Variants in AGAP1 observed in about 807,000 individuals in gnomAD.
AGAP1 encodes the protein arf-GAP with GTPase, ANK repeat and PH domain-containing protein 1.
Under a neutral mutation model 105.3 loss-of-function variants are expected in AGAP1, and 29 were observed. That is an observed-to-expected ratio of 0.28 (90% CI 0.21 to 0.38). The LOEUF (loss-of-function observed/expected upper bound fraction) is 0.38, where lower values mean the gene tolerates loss of function less well. Among genes scored for constraint, AGAP1 ranks in the 10% least tolerant of loss-of-function variants. The pLI is 1.00. For synonymous variants in AGAP1, 509 were observed against 485.9 expected (o/e 1.05, Z -0.63); for missense variants, 998 against 1,165.1 (o/e 0.86, Z 2.09).
At chr2:235,844,305 G>A (rs756970043) in intron 9 of AGAP1, among the ~76,000 whole-genome samples, 1 of 152,188 alleles carries the variant, frequency 6.6e-6, no homozygotes, top group Non-Finnish European at 1.5e-5. Flanking sequence ...GAGGGGGCAA[G>A]GGTCTGGGTG....
rs2125990301 is a variant in AGAP1, at chr2:236,125,859, G to A, written c.*1737G>A. On this transcript the variant is annotated 3_prime_UTR_variant, in exon 18 of 18. Coordinates refer to ENST00000304032, the MANE Select transcript of AGAP1 (RefSeq NM_001037131.3). The surrounding 1 kb of genome is among the most constrained non-coding windows in gnomAD (Gnocchi z 5.2). ...AAAGCAAACGGGGCAGCTTTGCCTA[G>A]AGCTCATTGACAGTGTGATGGGGGG... 1 of 152,322 alleles carries A rather than the reference G, an allele frequency of 6.6e-6. No homozygotes were observed. The highest frequency in any genetic ancestry group is 2.1e-4 in the South Asian group (1 of 4,824). 9.4% of individuals were successfully genotyped at this position (152,322 alleles called of 1,614,324 possible). A position where few individuals can be genotyped will look rare whatever the true frequency, so the allele number is the denominator to read the frequency against.
Position 235,964,913 on chromosome 2 carries a change from C to T in AGAP1, c.1484-3549C>T, listed in dbSNP as rs1461220001. ...AAATGGAGAGCAGGCAGTCATGGAG[C>T]GGCTTTGTGAAAACAGGCTGAGCTC... On this transcript the variant is annotated intron_variant, in intron 12 of 17. Transcript: ENST00000304032. This position sits in a 1 kb window ranked among gnomAD's most constrained non-coding sequence, Gnocchi z 4.6. 1.3e-5 allele frequency among the ~76,000 whole-genome samples: 2 copies of T among 152,118 alleles called. No homozygotes were observed. Among genetic ancestry groups the T allele is most frequent in the African/African-American group, 2.4e-5 (1 of 41,408 alleles).
chr2:235,563,010 C>T (rs1287864458), intron 1 of AGAP1, among the ~76,000 whole-genome samples: 1 of 152,112 alleles, frequency 6.6e-6, no homozygotes, highest in Non-Finnish European at 1.5e-5. Flanking sequence ...CAGTGAGCCG[C>T]TGCACACCAG....
Position 236,121,757 on chromosome 2 carries a change from A to T in AGAP1, c.2370+1310A>T, listed in dbSNP as rs1467601097. ...TAGTGTGCTAGGGCTGCCATAACAAAATACCACAGACAGGGGTGCTTCAAC... is the reference window on the plus strand; with the variant it reads ...TAGTGTGCTAGGGCTGCCATAACAATATACCACAGACAGGGGTGCTTCAAC... On this transcript the variant is annotated intron_variant, in intron 17 of 17. Coordinates refer to ENST00000304032, the MANE Select transcript of AGAP1 (RefSeq NM_001037131.3). This position sits in a 1 kb window ranked among gnomAD's most constrained non-coding sequence, Gnocchi z 4.9. Among the ~76,000 whole-genome samples, 1 of 152,198 alleles carries T rather than the reference A, an allele frequency of 6.6e-6. No individual in the cohort carries two copies. Among genetic ancestry groups the T allele is most frequent in the Non-Finnish European group, 1.5e-5 (1 of 68,028 alleles).
At chr2:235,589,580 T>A (rs967139727) in intron 1 of AGAP1, among the ~76,000 whole-genome samples, 3 of 152,156 alleles carry the variant, frequency 2.0e-5, no homozygotes, top group African/African-American at 7.2e-5. Context: ...TGGTTCTTCA[T>A]GGGCAGGAGG....
intron 6 of AGAP1, among the ~76,000 whole-genome samples, chr2:235,771,454 T>A (rs1384948203): frequency 6.6e-6 from 1 of 152,188 alleles, no homozygotes; most frequent in East Asian, 1.9e-4. Context: ...GCAGCCAGGG[T>A]GACCTAAGGC....
chr2:235,797,774 T>C lies in AGAP1; in HGVS notation c.689T>C (p.Val230Ala), dbSNP rs760927724. Residue 230 changes from valine (V) to alanine (A), a missense_variant, in exon 7 of 18, where the codon GTT (valine) becomes GCT (alanine). This residue lies in a region of AGAP1 where 735 missense variants were observed against 833.4 expected (regional missense o/e 0.88). Transcript: ENST00000304032. ...RVFQDVAQKIVATRKKQQLSI... is the reference protein window; with the variant it reads ...RVFQDVAQKIAATRKKQQLSI... ...TGTCCACCAGTTGCCCAGAAGATTG[T>C]TGCCACAAGGAAGAAGCAGCAGCTG... 3 of 1,614,196 alleles carry C rather than the reference T, an allele frequency of 1.9e-6. No individual in the cohort carries two copies. Among genetic ancestry groups the C allele is most frequent in the Non-Finnish European group, 1.7e-6 (2 of 1,180,042 alleles).
intron 11 of AGAP1, among the ~76,000 whole-genome samples, chr2:235,923,231 A>G (rs1266228741): frequency 6.6e-6 from 1 of 152,158 alleles, no homozygotes; most frequent in African/African-American, 2.4e-5. Context: ...GGAAGCCAGC[A>G]TCCTATACTG....
intron 6 of AGAP1, among the ~76,000 whole-genome samples, chr2:235,764,421 G>T (rs754150760): frequency 6.6e-6 from 1 of 152,140 alleles, no homozygotes; most frequent in East Asian, 1.9e-4. Context: ...CTGGACTGGG[G>T]ATCTTGGTCA....
chr2:235,774,047 C>T (rs533894518), intron 6 of AGAP1: 7 of 443,142 alleles, frequency 1.6e-5, no homozygotes, highest in Middle Eastern at 3.4e-4. Context: ...ATTATGACTA[C>T]GATGAACAAA....
chr2:236,108,942 T>C (rs2059576736), intron 16 of AGAP1, among the ~76,000 whole-genome samples: 1 of 152,194 alleles, frequency 6.6e-6, no homozygotes, highest in Non-Finnish European at 1.5e-5. Flanking sequence ...AAACTTTCTT[T>C]TCTGGGAATC....
In AGAP1 at chr2:236,062,394, C is replaced by T. The variant is rs1227766849; in HGVS notation, c.2114+13113C>T. Among the ~76,000 whole-genome samples, 2 of 152,076 alleles carry T rather than the reference C, an allele frequency of 1.3e-5. No individual in the cohort carries two copies. The highest frequency in any genetic ancestry group is 2.9e-5 in the Non-Finnish European group (2 of 68,026). On this transcript the variant is annotated intron_variant, in intron 16 of 17. Transcript: ENST00000304032. The surrounding 1 kb of genome is among the most constrained non-coding windows in gnomAD (Gnocchi z 4.2). ...AGAGGGGAGGGGAGGGAGGCAGAGCCAGGCTGGTATGGGATTCTAGGAGCA... is the reference window on the plus strand; with the variant it reads ...AGAGGGGAGGGGAGGGAGGCAGAGCTAGGCTGGTATGGGATTCTAGGAGCA...
chr2:236,084,097 C>T lies in AGAP1; in HGVS notation c.2114+34816C>T, dbSNP rs556486509. ...CAGCCGGGCAGGAAGGCAGGAAGCACCCCTGTCATAAAACCCCTACAGCCT... is the reference window on the plus strand; with the variant it reads ...CAGCCGGGCAGGAAGGCAGGAAGCATCCCTGTCATAAAACCCCTACAGCCT... On this transcript the variant is annotated intron_variant, in intron 16 of 17. Transcript: ENST00000304032. Among the ~76,000 whole-genome samples, 6 of 152,282 alleles carry T rather than the reference C, an allele frequency of 3.9e-5. No individual in the cohort carries two copies. The South Asian group carries it at 1.2e-3, about 32-fold the overall frequency.
Position 235,769,711 on chromosome 2 carries a change from G to A in AGAP1, c.673+19223G>A, listed in dbSNP as rs575936607. On this transcript the variant is annotated intron_variant, in intron 6 of 17. Coordinates refer to ENST00000304032, the MANE Select transcript of AGAP1 (RefSeq NM_001037131.3). This position sits in a 1 kb window ranked among gnomAD's most constrained non-coding sequence, Gnocchi z 4.4. The stretch of plus-strand genomic sequence containing the variant: ...CTCGGGGAGGCAGTGAAAAAAAAAC[G>A]AAAGCAGTGACTAAAGGGCATCTCC... 9.2e-5 allele frequency among the ~76,000 whole-genome samples: 14 copies of A among 152,144 alleles called. No homozygotes were observed. In the South Asian group the frequency reaches 2.3e-3, roughly 25 times the overall value.
chr2:235,746,376 ACT>A (rs1952936722), intron 5 of AGAP1, among the ~76,000 whole-genome samples: 1 of 44,096 alleles, frequency 2.3e-5, no homozygotes, highest in African/African-American at 9.4e-5. Context: ...ACCTCCCCCA[ACT>A]TTTTTTTTTT....
At chr2:235,503,950 G>C (rs1298852195) in intron 1 of AGAP1, among the ~76,000 whole-genome samples, 2 of 152,274 alleles carry the variant, frequency 1.3e-5, no homozygotes, top group South Asian at 2.1e-4. Flanking sequence ...ACAGTGGCAC[G>C]ATCGTGGCTC....
chr2:236,060,592 G>A (rs546902494), intron 16 of AGAP1, among the ~76,000 whole-genome samples: 72 of 152,122 alleles, frequency 4.7e-4, no homozygotes, highest in Non-Finnish European at 8.1e-4. Context: ...CTACTCAGGC[G>A]GCTGAGGCAG....
rs1467116112 is a variant in AGAP1 at position 236,012,554 on chromosome 2, C to T, written c.1646-24007C>T. ...GGGACAGATTTGGTTTCCTTCGTTC[C>T]TCATGCATGGTATTTGTACCGGTGG... On this transcript the variant is annotated intron_variant, in intron 13 of 17. Transcript: ENST00000304032. The surrounding 1 kb of genome is among the most constrained non-coding windows in gnomAD (Gnocchi z 4.9). Among the ~76,000 whole-genome samples, 1 of 152,086 alleles carries T rather than the reference C, an allele frequency of 6.6e-6. No individual in the cohort carries two copies. The highest frequency in any genetic ancestry group is 1.5e-5 in the Non-Finnish European group (1 of 68,024).
chr2:235,862,119 C>G (rs2048950745), intron 9 of AGAP1, among the ~76,000 whole-genome samples: 2 of 152,130 alleles, frequency 1.3e-5, no homozygotes, highest in South Asian at 2.1e-4. Flanking sequence ...TTAGACCACT[C>G]AGGGGCCCTG....
Sources: allele counts gnomAD v4.1 joint callset (sites outside exome capture counted in the v4.1 genomes callset), GRCh38; gene constraint gnomAD v4.1.1; regional missense constraint gnomAD v4.1.1; non-coding constraint Gnocchi (gnomAD v3.1); transcripts MANE v1.5; gene names NCBI Gene and HGNC (gene_info 2026-07-23, HGNC 2026-07-21).